The following SLCO3A1 variants were observed in gnomAD, a reference collection of about 807,000 sequenced individuals.
SLCO3A1 encodes the protein solute carrier organic anion transporter family member 3A1.
SLCO3A1 carries 27 observed loss-of-function variants against 63.1 expected under a neutral mutation model. That is an observed-to-expected ratio of 0.43 (90% CI 0.32 to 0.59). SLCO3A1 has a LOEUF of 0.59. Ranked by LOEUF, SLCO3A1 falls within the 20% of genes least tolerant of loss-of-function variation. The probability of loss-of-function intolerance (pLI) is 0.09; values close to 1 mark genes in which losing one functional copy is unlikely to be tolerated. For missense variants in SLCO3A1, 773 were observed against 945.8 expected (o/e 0.82, Z 2.40); for synonymous variants, 473 against 409.9 (o/e 1.15, Z -1.86).
At chr15:92,151,309 A>G in intron 9 of SLCO3A1, 2 of 282,896 alleles carry the variant, frequency 7.1e-6, no homozygotes, top group Non-Finnish European at 1.3e-5. Context: ...TGGTGGTGTA[A>G]TTTGGCATCT....
chr15:91,957,135 C>A (rs78015657), intron 2 of SLCO3A1, among the ~76,000 whole-genome samples: 159 of 8,062 alleles, frequency 0.02, 43 homozygotes, highest in African/African-American at 0.02. Context: ...AATATATATA[C>A]TATATATTAT....
At chr15:92,089,021 T>G (rs996538431) in intron 2 of SLCO3A1, among the ~76,000 whole-genome samples, 2 of 150,912 alleles carry the variant, frequency 1.3e-5, no homozygotes, top group East Asian at 1.9e-4. Context: ...ATTTATTTAT[T>G]TATTTATTTA....
At chr15:92,157,200 CT>C (rs1301155177) in intron 9 of SLCO3A1, 1 of 152,190 alleles carries the variant, frequency 6.6e-6, no homozygotes, top group Non-Finnish European at 1.5e-5. Context: ...TGATGGAACC[CT>C]ATTAACACCT....
At chr15:92,131,410 G>A (rs1417599901) in intron 7 of SLCO3A1, among the ~76,000 whole-genome samples, 1 of 106,284 alleles carries the variant, frequency 9.4e-6, no homozygotes, top group African/African-American at 3.2e-5. Context: ...TGTCACCCAG[G>A]CTGGAGTGCA....
intron 2 of SLCO3A1, among the ~76,000 whole-genome samples, chr15:92,032,355 C>T (rs966099835): frequency 6.6e-6 from 1 of 151,928 alleles, no homozygotes; most frequent in African/African-American, 2.4e-5. Flanking sequence ...CACAGAGGTC[C>T]TCAAGGAAAA....
Position 91,900,720 on chromosome 15 carries a change from C to G in SLCO3A1, c.181-15273C>G, listed in dbSNP as rs1275993626. Among the ~76,000 whole-genome samples the G allele has an allele frequency of 6.6e-6, 1 of 152,234 alleles. No individual in the cohort carries two copies. The highest frequency in any genetic ancestry group is 1.9e-4 in the East Asian group (1 of 5,208). ...TGCATTTCCCTAAAGACTAATAATGCTAAGCATCTTTTCAAATGCTTATTA... is the reference window on the plus strand; with the variant it reads ...TGCATTTCCCTAAAGACTAATAATGGTAAGCATCTTTTCAAATGCTTATTA... On this transcript the variant is annotated intron_variant, in intron 1 of 9. Transcript: ENST00000318445. The surrounding 1 kb of genome is among the most constrained non-coding windows in gnomAD (Gnocchi z 4.3).
intron 1 of SLCO3A1, among the ~76,000 whole-genome samples, chr15:91,878,232 C>T (rs796950213): frequency 5.3e-5 from 8 of 151,920 alleles, no homozygotes; most frequent in East Asian, 1.9e-4. Context: ...ATTACAGGCA[C>T]GTGCCACCAC....
intron 1 of SLCO3A1, among the ~76,000 whole-genome samples, chr15:91,878,178 C>T (rs1273924657): frequency 2.6e-5 from 4 of 151,154 alleles, no homozygotes; most frequent in East Asian, 1.9e-4. Context: ...CTCTGCCTCC[C>T]GGGTTCAGGT....
intron 1 of SLCO3A1, among the ~76,000 whole-genome samples, chr15:91,905,650 C>A (rs183919837): frequency 1.3e-5 from 2 of 149,448 alleles, no homozygotes; most frequent in East Asian, 2.0e-4. Flanking sequence ...TTTTAAGTTA[C>A]GTGGTCAAGG....
chr15:91,911,593 T>C (rs1385940120), intron 1 of SLCO3A1, among the ~76,000 whole-genome samples: 5 of 152,198 alleles, frequency 3.3e-5, no homozygotes, highest in Non-Finnish European at 7.3e-5. Flanking sequence ...TATCTATATC[T>C]ATCTATATAT....
chr15:92,134,190 T>G (rs1161277929), intron 7 of SLCO3A1, among the ~76,000 whole-genome samples: 4 of 152,226 alleles, frequency 2.6e-5, no homozygotes, highest in Non-Finnish European at 4.4e-5. Context: ...AGTGTATGTT[T>G]CCTGTCTGGT....
In SLCO3A1 at chr15:91,854,708, G is replaced by C. The variant is rs1215358770; in HGVS notation, c.180+620G>C. Among the ~76,000 whole-genome samples, 1 of 152,182 alleles carries C rather than the reference G, an allele frequency of 6.6e-6. No individual in the cohort carries two copies. The highest frequency in any genetic ancestry group is 1.5e-5 in the Non-Finnish European group (1 of 68,034). On this transcript the variant is annotated intron_variant, in intron 1 of 9. Transcript: ENST00000318445. The surrounding 1 kb of genome is among the most constrained non-coding windows in gnomAD (Gnocchi z 6.4). ...GCCCTCTTTGAGCGTCTGGGATAAAGTTACGGTACCTAGAGAGCAGCTGCG... is the reference window on the plus strand; with the variant it reads ...GCCCTCTTTGAGCGTCTGGGATAAACTTACGGTACCTAGAGAGCAGCTGCG...
At chr15:91,964,231 A>T (rs953850243) in intron 2 of SLCO3A1, among the ~76,000 whole-genome samples, 2 of 152,204 alleles carry the variant, frequency 1.3e-5, no homozygotes, top group African/African-American at 4.8e-5. Context: ...TGTTCCATTA[A>T]TCACAAGACT....
At chr15:91,919,506 C>G (rs562133985) in intron 2 of SLCO3A1, among the ~76,000 whole-genome samples, 25 of 152,360 alleles carry the variant, frequency 1.6e-4, no homozygotes, top group African/African-American at 5.8e-4. Flanking sequence ...GCACGTGGCA[C>G]TCTTTGTTCC....
chr15:91,926,789 G>A (rs991637965), intron 2 of SLCO3A1, among the ~76,000 whole-genome samples: 1 of 152,086 alleles, frequency 6.6e-6, no homozygotes, highest in Non-Finnish European at 1.5e-5. Context: ...GATGTGCCTT[G>A]CGGGAGTCGG....
chr15:92,162,868 C>T lies in SLCO3A1; in HGVS notation c.1866C>T (p.Tyr622=), dbSNP rs775057712. The change falls in exon 10 of 10, where the codon TAC becomes TAT. Residue 622 remains tyrosine, a synonymous_variant. Coordinates refer to ENST00000318445, the MANE Select transcript of SLCO3A1 (RefSeq NM_013272.4). ...GCGTCCTCTACGACAATGTGGTCTA[C>T]CGATACCTGTATGTCAGCATCGCCA... ...GACVLYDNVV[Y]RYLYVSIAIA... The T allele has an allele frequency of 1.2e-6, 2 of 1,614,222 alleles. No individual in the cohort carries two copies. Among genetic ancestry groups the T allele is most frequent in the Non-Finnish European group, 1.7e-6 (2 of 1,180,044 alleles).
chr15:92,126,267 C>A lies in SLCO3A1; in HGVS notation c.1373+8C>A. Reference sequence around the variant, plus strand: ...TGTTCCCTATGGAAACAGGTGAGTACTGGCAGTGTCTGCCGCCTTCCTGCC... The same window carrying A: ...TGTTCCCTATGGAAACAGGTGAGTAATGGCAGTGTCTGCCGCCTTCCTGCC... On this transcript the variant is annotated splice_region_variant and intron_variant, in intron 6 of 9. Transcript: ENST00000318445. 1 of 1,612,092 alleles carries A rather than the reference C, an allele frequency of 6.2e-7. No individual in the cohort carries two copies. The highest frequency in any genetic ancestry group is 1.1e-5 in the South Asian group (1 of 91,038).
chr15:92,021,733 C>T (rs1445705154), intron 2 of SLCO3A1, among the ~76,000 whole-genome samples: 1 of 152,204 alleles, frequency 6.6e-6, no homozygotes, highest in Non-Finnish European at 1.5e-5. Context: ...GAAGCTTCCA[C>T]TGTGGTGAGA....
chr15:91,928,679 G>A (rs932147269), intron 2 of SLCO3A1, among the ~76,000 whole-genome samples: 51 of 152,222 alleles, frequency 3.4e-4, no homozygotes, highest in African/African-American at 1.1e-3. Flanking sequence ...ATGGTGAGGC[G>A]TTTCTAGGCC....
Sources: gnomAD v4.1 joint callset for allele counts (sites outside exome capture counted in the v4.1 genomes callset) on GRCh38, gnomAD v4.1.1 for gene constraint, Gnocchi (gnomAD v3.1) non-coding constraint, MANE v1.5 for transcripts, NCBI Gene and HGNC (gene_info 2026-07-23, HGNC 2026-07-21) for gene names.